AFG2A: variants seen among roughly 807,000 people sequenced by gnomAD.
AFG2A encodes AAA ATPase AFG2A.
chr4:122,944,854 A>G, the AFG2A span, among the ~76,000 whole-genome samples: 1 of 152,210 alleles, frequency 6.6e-6, no homozygotes, highest in African/African-American at 2.4e-5. Context: ...TCCTTCTAAC[A>G]GACAGGGCCC....
the AFG2A span, among the ~76,000 whole-genome samples, chr4:123,080,987 T>C: frequency 6.6e-6 from 1 of 152,000 alleles, no homozygotes; most frequent in African/African-American, 2.4e-5. Flanking sequence ...CAACATTGAG[T>C]GGAAAGTACA....
At chr4:122,957,476 A>C in the AFG2A span, among the ~76,000 whole-genome samples, 1 of 152,238 alleles carries the variant, frequency 6.6e-6, no homozygotes, top group Non-Finnish European at 1.5e-5. Context: ...AGTGCTATAG[A>C]ATAGGCATAA....
the AFG2A span, among the ~76,000 whole-genome samples, chr4:123,067,038 T>C: frequency 4.5e-4 from 69 of 152,136 alleles, no homozygotes; most frequent in African/African-American, 1.5e-3. Flanking sequence ...GGGAATTCTT[T>C]GTTATGTGTA....
At chr4:122,978,022 TAG>T in the AFG2A span, among the ~76,000 whole-genome samples, 1 of 151,960 alleles carries the variant, frequency 6.6e-6, no homozygotes, top group South Asian at 2.1e-4. Context: ...CCAGAGTGGG[TAG>T]CTTCTTTCTG....
At chr4:123,293,367 A>G in the AFG2A span, among the ~76,000 whole-genome samples, 1 of 152,278 alleles carries the variant, frequency 6.6e-6, no homozygotes, top group East Asian at 1.9e-4. Context: ...TCCCACAAGC[A>G]GAAAGTTCTA....
At chr4:122,942,764 G>A in the AFG2A span, among the ~76,000 whole-genome samples, 10 of 150,590 alleles carry the variant, frequency 6.6e-5, no homozygotes, top group Admixed American at 4.0e-4. Flanking sequence ...TTTCTCTTGT[G>A]GGCATTTAGT....
At chr4:123,007,316 T>G in the AFG2A span, among the ~76,000 whole-genome samples, 5 of 151,972 alleles carry the variant, frequency 3.3e-5, no homozygotes, top group Non-Finnish European at 7.4e-5. Context: ...GAGGAGGCAC[T>G]ATTCCTGGCC....
the AFG2A span, among the ~76,000 whole-genome samples, chr4:122,952,708 C>T: frequency 1.3e-5 from 2 of 152,170 alleles, no homozygotes; most frequent in Non-Finnish European, 2.9e-5. Flanking sequence ...AATGTGTACC[C>T]CTTCCAGGAC....
the AFG2A span, among the ~76,000 whole-genome samples, chr4:123,267,931 G>A: frequency 1.3e-5 from 2 of 151,958 alleles, no homozygotes; most frequent in Non-Finnish European, 2.9e-5. Flanking sequence ...TGTCTGTAAA[G>A]CTATGTTTAA....
the AFG2A span, among the ~76,000 whole-genome samples, chr4:123,051,256 G>GTA: frequency 6.6e-6 from 1 of 151,016 alleles, no homozygotes; most frequent in Non-Finnish European, 1.5e-5. Context: ...TATTTTTAGT[G>GTA]TATATATTAT....
At chr4:122,957,041 G>C in the AFG2A span, among the ~76,000 whole-genome samples, 1 of 152,114 alleles carries the variant, frequency 6.6e-6, no homozygotes, top group Non-Finnish European at 1.5e-5. Context: ...AAATTGAGGA[G>C]ATTGGAGTAG....
the AFG2A span, among the ~76,000 whole-genome samples, chr4:123,269,279 C>T: frequency 7.2e-5 from 11 of 152,308 alleles, no homozygotes; most frequent in South Asian, 4.1e-4. Context: ...TCCTCCTGCC[C>T]GGGCATGCTG....
the AFG2A span, among the ~76,000 whole-genome samples, chr4:123,256,427 A>G: frequency 1.3e-5 from 2 of 152,340 alleles, no homozygotes; most frequent in East Asian, 1.9e-4. Flanking sequence ...ATAGCATAAT[A>G]TAGTGAGAAG....
chr4:123,231,583 C>G, the AFG2A span, among the ~76,000 whole-genome samples: 1 of 151,978 alleles, frequency 6.6e-6, no homozygotes, highest in African/African-American at 2.4e-5. Flanking sequence ...TAGAGTAGCA[C>G]AATTCCCTTC....
At chr4:123,008,181 C>T in the AFG2A span, among the ~76,000 whole-genome samples, 1 of 152,136 alleles carries the variant, frequency 6.6e-6, no homozygotes, top group Non-Finnish European at 1.5e-5. Flanking sequence ...TAAGCTTTCA[C>T]TTGTGTAGAA....
At chr4:123,161,231 T>G in the AFG2A span, among the ~76,000 whole-genome samples, 1 of 152,198 alleles carries the variant, frequency 6.6e-6, no homozygotes, top group South Asian at 2.1e-4. Flanking sequence ...GCTATAAAGT[T>G]TATGTTTATC....
chr4:123,105,275 T>C, the AFG2A span, among the ~76,000 whole-genome samples: 2 of 152,214 alleles, frequency 1.3e-5, no homozygotes, highest in Admixed American at 1.3e-4. Context: ...GGCACAGTTT[T>C]CTCAATATTT....
the AFG2A span, among the ~76,000 whole-genome samples, chr4:123,276,202 C>G: frequency 3.3e-5 from 5 of 152,104 alleles, no homozygotes; most frequent in Admixed American, 2.0e-4. Flanking sequence ...AATGGTATCT[C>G]GTTGTGGTTT....
the AFG2A span, among the ~76,000 whole-genome samples, chr4:122,999,651 C>A: frequency 3.3e-5 from 5 of 152,194 alleles, no homozygotes; most frequent in Admixed American, 2.6e-4. Context: ...GGGCTCTGTT[C>A]TGTTCCATTG....
Sources: gnomAD v4.1 joint callset for allele counts (sites outside exome capture counted in the v4.1 genomes callset) on GRCh38, gnomAD v4.1.1 for gene constraint, MANE v1.5 for transcripts, NCBI Gene and HGNC (gene_info 2026-07-23, HGNC 2026-07-21) for gene names.